Variants in OPCML observed in about 807,000 individuals in gnomAD.
OPCML encodes opioid binding protein/cell adhesion molecule like, also known as opioid-binding protein/cell adhesion molecule.
A neutral mutation model predicts 37.8 loss-of-function variants in OPCML; 13 were observed. That is an observed-to-expected ratio of 0.34 (90% CI 0.22 to 0.55). The LOEUF (loss-of-function observed/expected upper bound fraction) is 0.55. Among genes scored for constraint, OPCML ranks in the 20% least tolerant of loss-of-function variants. The pLI, the probability that OPCML is intolerant of heterozygous loss-of-function variation, is 0.91. For synonymous variants in OPCML, 176 were observed against 168.8 expected (o/e 1.04, Z -0.33); for missense variants, 341 against 435.6 (o/e 0.78, Z 1.93).
At chr11:133,395,715 G>C (rs1015156778) in intron 1 of OPCML, among the ~76,000 whole-genome samples, 1 of 152,010 alleles carries the variant, frequency 6.6e-6, no homozygotes, top group African/African-American at 2.4e-5. Flanking sequence ...TCTGTTTCTG[G>C]GTTCTTTATT....
At chr11:132,937,598 GTGTGTGTGTGTGT>G (rs1945432104) in intron 2 of OPCML, among the ~76,000 whole-genome samples, 8 of 87,700 alleles carry the variant, frequency 9.1e-5, no homozygotes, top group Admixed American at 2.2e-4. Context: ...TGTGTGGGGT[GTGTGTGTGTGTGT>G]GTGTGTGTGT....
At chr11:133,437,072 T>A (rs1437041931) in intron 1 of OPCML, among the ~76,000 whole-genome samples, 2 of 152,160 alleles carry the variant, frequency 1.3e-5, no homozygotes, top group Admixed American at 1.3e-4. Flanking sequence ...AGCCTAATGA[T>A]TGTTTAAGTT....
intron 4 of OPCML, among the ~76,000 whole-genome samples, chr11:132,474,940 G>C (rs2096150314): frequency 6.6e-6 from 1 of 152,124 alleles, no homozygotes; most frequent in South Asian, 2.1e-4. Flanking sequence ...TTGGGTTCTA[G>C]CACCCTCTTT....
At chr11:132,563,006 T>G (rs2096413997) in intron 3 of OPCML, among the ~76,000 whole-genome samples, 1 of 152,208 alleles carries the variant, frequency 6.6e-6, no homozygotes, top group Admixed American at 6.5e-5. Flanking sequence ...TTGTGTTCTG[T>G]ATTCACTTTG....
intron 1 of OPCML, among the ~76,000 whole-genome samples, chr11:133,082,535 C>T (rs181550086): frequency 5.1e-4 from 62 of 121,470 alleles, no homozygotes; most frequent in East Asian, 7.6e-4. Context: ...CCCTCCTCAT[C>T]CTCTCCTCCC....
In OPCML at chr11:132,894,147, T is replaced by C. The variant is rs538696879; in HGVS notation, c.146+48779A>G. Reference sequence around the variant, plus strand: ...GTCTACTCATTTAAGTCTGGTCTCATCCTTGCCTGAAATACTTTTCATTAA... The same window carrying C: ...GTCTACTCATTTAAGTCTGGTCTCACCCTTGCCTGAAATACTTTTCATTAA... On this transcript the variant is annotated intron_variant, in intron 2 of 7. Coordinates refer to ENST00000524381, the MANE Select transcript of OPCML (RefSeq NM_001012393.5). Among the ~76,000 whole-genome samples the C allele has an allele frequency of 1.9e-4, 29 of 152,330 alleles. 1 individual carries two copies. The South Asian group carries it at 6.0e-3, about 32-fold the overall frequency.
chr11:132,967,099 C>T (rs59930372), intron 1 of OPCML, among the ~76,000 whole-genome samples: 9,054 of 151,862 alleles, frequency 0.06, 370 homozygotes, highest in East Asian at 0.22. Context: ...CTCTGTTTGT[C>T]GTTTGCTGCT....
chr11:133,306,833 T>C (rs144716910), intron 1 of OPCML, among the ~76,000 whole-genome samples: 69 of 152,326 alleles, frequency 4.5e-4, no homozygotes, highest in Non-Finnish European at 4.4e-4. Context: ...AAATTTTCCA[T>C]GCCAGAATCT....
chr11:133,008,989 T>C (rs1206596228), intron 1 of OPCML: 1 of 985,358 alleles, frequency 1.0e-6, no homozygotes, highest in Non-Finnish European at 1.2e-6. Flanking sequence ...GGACATGGAC[T>C]GACATGGATT....
chr11:133,031,482 A>AATGG lies in OPCML; in HGVS notation c.62-88476_62-88473dup, dbSNP rs368491642. 2.8e-3 allele frequency among the ~76,000 whole-genome samples: 340 copies of AATGG among 119,694 alleles called. 15 individuals carry two copies. Among genetic ancestry groups the AATGG allele is most frequent in the East Asian group, 0.013 (43 of 3,242 alleles). 78.5% of individuals were successfully genotyped at this position (119,694 alleles called of 152,430 possible). ...GGATGGTTGGTTGGATGGGTAGGTGAATGGATGGATGGATGGTTGGTTGGA... is the reference window on the plus strand; with the variant it reads ...GGATGGTTGGTTGGATGGGTAGGTGAATGGATGGATGGATGGATGGTTGGTTGGA... On this transcript the variant is annotated intron_variant, in intron 1 of 7. Coordinates refer to ENST00000524381, the MANE Select transcript of OPCML (RefSeq NM_001012393.5).
intron 2 of OPCML, among the ~76,000 whole-genome samples, chr11:132,759,553 A>T (rs1278824381): frequency 6.6e-6 from 1 of 152,108 alleles, no homozygotes; most frequent in Non-Finnish European, 1.5e-5. Context: ...CCAAGAATTT[A>T]TCCATTTCTT....
chr11:132,536,351 A>T (rs77682160), intron 3 of OPCML, among the ~76,000 whole-genome samples: 2,287 of 152,318 alleles, frequency 0.015, 52 homozygotes, highest in African/African-American at 0.047. Flanking sequence ...CTAAGGTTTG[A>T]ACACAATTTT....
intron 2 of OPCML, among the ~76,000 whole-genome samples, chr11:132,901,962 G>A (rs984489909): frequency 6.6e-6 from 1 of 152,174 alleles, no homozygotes; most frequent in African/African-American, 2.4e-5. Context: ...CCAACAGGAT[G>A]ATGAACTCCC....
chr11:133,465,596 C>T (rs1946958761), intron 1 of OPCML, among the ~76,000 whole-genome samples: 1 of 152,138 alleles, frequency 6.6e-6, no homozygotes, highest in South Asian at 2.1e-4. Context: ...AGTCAATAAG[C>T]ACATATATTT....
intron 1 of OPCML, among the ~76,000 whole-genome samples, chr11:133,232,886 C>G (rs1940339690): frequency 6.6e-6 from 1 of 152,194 alleles, no homozygotes; most frequent in African/African-American, 2.4e-5. Context: ...CCAGTGCTGA[C>G]AGCTTTATGA....
At chr11:132,759,801 G>T (rs546108969) in intron 2 of OPCML, among the ~76,000 whole-genome samples, 4 of 151,960 alleles carry the variant, frequency 2.6e-5, no homozygotes, top group Non-Finnish European at 5.9e-5. Flanking sequence ...ATTTTCTTCA[G>T]TTCTACTCTG....
At chr11:133,447,201 G>C (rs1946490063) in intron 1 of OPCML, among the ~76,000 whole-genome samples, 1 of 152,052 alleles carries the variant, frequency 6.6e-6, no homozygotes, top group Admixed American at 6.6e-5. Flanking sequence ...GTCAGCTCTT[G>C]TTATTGTCTG....
chr11:133,140,369 G>A (rs11601079), intron 1 of OPCML, among the ~76,000 whole-genome samples: 135,705 of 148,764 alleles, frequency 0.91, 62,152 homozygotes, highest in East Asian at 1. Flanking sequence ...ACAAAAATTA[G>A]CAGGGTGTGG....
chr11:133,458,193 T>C (rs549424383), intron 1 of OPCML, among the ~76,000 whole-genome samples: 1,589 of 130,306 alleles, frequency 0.012, 61 homozygotes, highest in African/African-American at 0.059. Context: ...TATATACACA[T>C]ATATACACGT....
Sources: allele counts gnomAD v4.1 joint callset (sites outside exome capture counted in the v4.1 genomes callset), GRCh38; gene constraint gnomAD v4.1.1; transcripts MANE v1.5; gene names NCBI Gene and HGNC (gene_info 2026-07-23, HGNC 2026-07-21).